Variants in MYH10 observed in about 807,000 individuals in gnomAD.
MYH10 encodes myosin heavy chain 10, also known as myosin-10.
MYH10 carries 55 observed loss-of-function variants against 257.8 expected under a neutral mutation model. That is an observed-to-expected ratio of 0.21 (90% CI 0.17 to 0.27). The LOEUF is 0.27. Ranked by LOEUF, MYH10 falls within the 10% of genes least tolerant of loss-of-function variation. The pLI, the probability that MYH10 is intolerant of heterozygous loss-of-function variation, is 1.00. For missense variants in MYH10, 1,631 were observed against 2,500.6 expected, an observed-to-expected ratio of 0.65 and a Z score of 7.42; for synonymous variants, 854 against 921.7, an observed-to-expected ratio of 0.93 and a Z score of 1.33.
chr17:8,548,265 C>T, intron 11 of MYH10, 48 bp downstream of exon 11: 1 of 1,448,188 alleles, frequency 6.9e-7, no homozygotes. Flanking sequence ...TCTTAGAGAG[C>T]ACAACAAGCC....
intron 21 of MYH10, among the ~76,000 whole-genome samples, chr17:8,515,480 T>C (rs1360310781): frequency 1.3e-5 from 2 of 149,920 alleles, no homozygotes; most frequent in African/African-American, 2.4e-5. Flanking sequence ...TTATTCTTGC[T>C]CCTTACAAAA....
At chr17:8,485,457 CTTTTT>C (rs138894418) in intron 36 of MYH10, among the ~76,000 whole-genome samples, 2 of 121,164 alleles carry the variant, frequency 1.7e-5, no homozygotes, top group African/African-American at 3.1e-5. Context: ...CCCAAGCTGG[CTTTTT>C]TTTTTTTTTT....
Position 8,569,094 on chromosome 17 carries a change from A to G in MYH10, c.756+626T>C, listed in dbSNP as rs1016807872. ...TAAATTAGCCTGGTGAAGTAACGTG[A>G]GCCTGTAGTCCCGGCTCCTTGGGAG... is the stretch of plus-strand genomic sequence containing the variant. On this transcript the variant is annotated intron_variant, in intron 7 of 42. Coordinates refer to ENST00000360416, the MANE Select transcript of MYH10 (RefSeq NM_001256012.3). The surrounding 1 kb of genome is among the most constrained non-coding windows in gnomAD (Gnocchi z 4.1). Among the ~76,000 whole-genome samples, 1 of 151,780 alleles carries G rather than the reference A, an allele frequency of 6.6e-6. No individual in the cohort carries two copies. The highest frequency in any genetic ancestry group is 1.5e-5 in the Non-Finnish European group (1 of 67,916).
rs115599230 is a variant in MYH10 at position 8,548,654 on chromosome 17, T to G, written c.1053A>C (p.Glu351Asp). The part of the protein sequence containing the change: ...EAMHIMGFSH[E>D]EILSMLKVVS... ...AGAAATCACACATACACAGAATCTC[T>G]TCATGGGAGAAGCCCATTATGTGCA... Residue 351 changes from glutamate (E) to aspartate (D), a missense_variant, in exon 10 of 43, where the codon GAA becomes GAC. By Grantham distance (45) the Glu-to-Asp change is conservative (BLOSUM62 2). This residue lies in a region of MYH10 where 360 missense variants were observed against 581.9 expected (regional missense o/e 0.62). Coordinates refer to ENST00000360416, the MANE Select transcript of MYH10 (RefSeq NM_001256012.3). 881 of 1,613,974 alleles carry G rather than the reference T, an allele frequency of 5.5e-4. 2 individuals carry two copies. The African/African-American group carries it at 0.011, about 20-fold the overall frequency.
Position 8,506,290 on chromosome 17 carries a change from C to T in MYH10, c.3386+28G>A, listed in dbSNP as rs1360176967. ...GCTGAAACTCAGCCCCATGGGCTCCCGTGCAGCGCAGCTGCTGGGCTGCAG... is the reference window on the plus strand; with the variant it reads ...GCTGAAACTCAGCCCCATGGGCTCCTGTGCAGCGCAGCTGCTGGGCTGCAG... On this transcript the variant is annotated intron_variant, in intron 27 of 42. Coordinates refer to ENST00000360416, the MANE Select transcript of MYH10 (RefSeq NM_001256012.3). This position sits in a 1 kb window ranked among gnomAD's most constrained non-coding sequence, Gnocchi z 5.0. The T allele has an allele frequency of 7.8e-6, 12 of 1,547,146 alleles. No individual in the cohort carries two copies. Among genetic ancestry groups the T allele is most frequent in the African/African-American group, 2.8e-5 (2 of 71,302 alleles).
rs555139738 is a variant in MYH10 at position 8,477,650 on chromosome 17, G to A, written c.5707-602C>T. Among the ~76,000 whole-genome samples the A allele has an allele frequency of 2.6e-5, 4 of 152,164 alleles. No individual in the cohort carries two copies. The highest frequency in any genetic ancestry group is 6.5e-5 in the Admixed American group (1 of 15,284). ...GTTGCTAGGCCCCAAGGGTGGGGGT[G>A]GGAAGGGAAGGCCAGGTTGCCTGAC... On this transcript the variant is annotated intron_variant, in intron 41 of 42. Transcript: ENST00000360416. This position sits in a 1 kb window ranked among gnomAD's most constrained non-coding sequence, Gnocchi z 4.2.
intron 35 of MYH10, among the ~76,000 whole-genome samples, chr17:8,489,725 A>ACACACACACACACAC (rs1915457583): frequency 6.6e-6 from 1 of 151,522 alleles, no homozygotes; most frequent in Admixed American, 6.6e-5. Flanking sequence ...ACACACACAC[A>ACACACACACACACAC]CACACACACA....
intron 17 of MYH10, among the ~76,000 whole-genome samples, chr17:8,530,022 A>G (rs1384143210): frequency 6.6e-6 from 1 of 152,236 alleles, no homozygotes; most frequent in Non-Finnish European, 1.5e-5. Context: ...CTCAACTTGC[A>G]CATATCAGGC....
At chr17:8,478,958 C>T (rs1337056912) in intron 40 of MYH10, among the ~76,000 whole-genome samples, 1 of 152,216 alleles carries the variant, frequency 6.6e-6, no homozygotes, top group Non-Finnish European at 1.5e-5. Flanking sequence ...TCTCGAACTC[C>T]TCACCTCAGG....
intron 17 of MYH10, among the ~76,000 whole-genome samples, chr17:8,522,018 C>A (rs2081669775): frequency 1.3e-5 from 2 of 152,200 alleles, no homozygotes; most frequent in South Asian, 4.1e-4. Context: ...TTTACATTAT[C>A]CACAAAGACC....
At chr17:8,500,335 T>C (rs1168506656) in intron 29 of MYH10, among the ~76,000 whole-genome samples, 1 of 152,104 alleles carries the variant, frequency 6.6e-6, no homozygotes, top group African/African-American at 2.4e-5. Flanking sequence ...ACGGAAAGCC[T>C]GTGTCTGAGA....
chr17:8,620,698 A>G (rs1388134951), intron 2 of MYH10, among the ~76,000 whole-genome samples: 1 of 152,154 alleles, frequency 6.6e-6, no homozygotes, highest in Non-Finnish European at 1.5e-5. Flanking sequence ...ATTTATCACA[A>G]TGCTAGCATG....
rs1912964987 is a variant in MYH10 at position 8,477,934 on chromosome 17, T to C, written c.5706+404A>G. Among the ~76,000 whole-genome samples, 1 of 152,166 alleles carries C rather than the reference T, an allele frequency of 6.6e-6. No individual in the cohort carries two copies. The highest frequency in any genetic ancestry group is 6.5e-5 in the Admixed American group (1 of 15,270). On this transcript the variant is annotated intron_variant, in intron 41 of 42. Transcript: ENST00000360416. The surrounding 1 kb of genome is among the most constrained non-coding windows in gnomAD (Gnocchi z 4.2). Reference sequence around the variant, plus strand: ...CACTCGGGTGCAGCGTGCAGTACCTTTGTCTTCCCTTCACTTTCTATTCAG... The same window carrying C: ...CACTCGGGTGCAGCGTGCAGTACCTCTGTCTTCCCTTCACTTTCTATTCAG...
chr17:8,535,628 AAT>A lies in MYH10; in HGVS notation c.1779+128_1780-128del. The A allele has an allele frequency of 1.6e-6, 2 of 1,237,602 alleles. No homozygotes were observed. Among genetic ancestry groups the A allele is most frequent in the Non-Finnish European group, 2.3e-6 (2 of 880,360 alleles). The allele number at this position is 1,237,602 out of a possible 1,614,324, so 76.7% of individuals were successfully genotyped here. A position where few individuals can be genotyped will look rare whatever the true frequency, so the allele number is the denominator to read the frequency against. On this transcript the variant is annotated intron_variant, in intron 15 of 42. Coordinates refer to ENST00000360416, the MANE Select transcript of MYH10 (RefSeq NM_001256012.3). This position sits in a 1 kb window ranked among gnomAD's most constrained non-coding sequence, Gnocchi z 4.3. ...CCCCAAAATGGGCTGTCTGAAAGACAATATGTTTGTAATATATACTGTATTTG... is the reference window on the plus strand; with the variant it reads ...CCCCAAAATGGGCTGTCTGAAAGACAATGTTTGTAATATATACTGTATTTG...
intron 2 of MYH10, among the ~76,000 whole-genome samples, chr17:8,620,871 T>C (rs2085439252): frequency 6.6e-6 from 1 of 152,224 alleles, no homozygotes; most frequent in African/African-American, 2.4e-5. Context: ...AAAACTCAGA[T>C]TCTCCTGTAG....
Position 8,514,028 on chromosome 17 carries a change from G to C in MYH10, c.2505-134C>G, listed in dbSNP as rs2081382045. On this transcript the variant is annotated intron_variant, in intron 21 of 42. Transcript: ENST00000360416. ...AATGATTGCATCAATCAAGTCCTGGGTGAGACGCACAAGGAAGCCGTTCTG... is the reference window on the plus strand; with the variant it reads ...AATGATTGCATCAATCAAGTCCTGGCTGAGACGCACAAGGAAGCCGTTCTG... 4.9e-6 allele frequency: 4 copies of C among 812,192 alleles called. No individual in the cohort carries two copies. In the Middle Eastern group the frequency reaches 1.1e-3, roughly 219 times the overall value. The allele number at this position is 812,192 out of a possible 1,614,324, so 50.3% of individuals were successfully genotyped here.
chr17:8,547,830 A>G (rs866115809), intron 11 of MYH10, among the ~76,000 whole-genome samples: 3 of 142,754 alleles, frequency 2.1e-5, no homozygotes, highest in Non-Finnish European at 3.0e-5. Context: ...AATATATTAT[A>G]TATATATATT....
rs566680763 is a variant in MYH10 at position 8,478,684 on chromosome 17, T to TAGGTGTTAATTACTGTACAC, written c.5598-258_5598-239dup. Among the ~76,000 whole-genome samples the TAGGTGTTAATTACTGTACAC allele has an allele frequency of 3.9e-5, 6 of 152,314 alleles. No individual in the cohort carries two copies. The East Asian group carries it at 1.2e-3, about 29-fold the overall frequency. On this transcript the variant is annotated intron_variant, in intron 40 of 42. Transcript: ENST00000360416. ...AATAAGTGCATTATTCCTGCACGTG[T>TAGGTGTTAATTACTGTACAC]AGGTGTTAATTACTGTACACAGGTA...
intron 23 of MYH10, among the ~76,000 whole-genome samples, chr17:8,512,986 C>G (rs1274287960): frequency 6.6e-6 from 1 of 152,122 alleles, no homozygotes; most frequent in African/African-American, 2.4e-5. Context: ...TTACTAATGC[C>G]TGTTTGGTAG....
Sources: gnomAD v4.1 joint callset for allele counts (sites outside exome capture counted in the v4.1 genomes callset) on GRCh38, gnomAD v4.1.1 for gene constraint, gnomAD v4.1.1 regional missense constraint, Gnocchi (gnomAD v3.1) non-coding constraint, MANE v1.5 for transcripts, NCBI Gene and HGNC (gene_info 2026-07-23, HGNC 2026-07-21) for gene names.